Variants in KAZN observed in about 807,000 individuals in gnomAD.
KAZN encodes the protein kazrin.
In KAZN, 40 loss-of-function variants were observed where a neutral mutation model predicts 87.4. The observed-to-expected ratio is 0.46, with a 90% CI of 0.36 to 0.60. The LOEUF (loss-of-function observed/expected upper bound fraction) is 0.60. Ranked by LOEUF, KAZN falls within the 20% of genes least tolerant of loss-of-function variation. The pLI, the probability that KAZN is intolerant of heterozygous loss-of-function variation, is 0.00. For missense variants in KAZN, 898 were observed against 1,073.9 expected (o/e 0.84, Z 2.29); for synonymous variants, 466 against 458.3 (o/e 1.02, Z -0.22).
rs546244216 is a variant in KAZN at position 14,298,901 on chromosome 1, C to G, written c.249+118309C>G. Among the ~76,000 whole-genome samples the G allele has an allele frequency of 2.0e-5, 3 of 152,336 alleles. No individual in the cohort carries two copies. The South Asian group carries it at 6.2e-4, about 32-fold the overall frequency. On this transcript the variant is annotated intron_variant, in intron 2 of 16. Coordinates refer to the KAZN transcript ENST00000636203. ...CCTACACTACACTCTCACTGGCACT[C>G]CAGCTTGCTTTACCTAGAGGAAGTG...
chr1:14,923,240 G>A lies in KAZN; in HGVS notation c.227-37444G>A, dbSNP rs941054812. Among the ~76,000 whole-genome samples the A allele has an allele frequency of 1.3e-5, 2 of 152,186 alleles. No homozygotes were observed. Among genetic ancestry groups the A allele is most frequent in the African/African-American group, 2.4e-5 (1 of 41,442 alleles). On this transcript the variant is annotated intron_variant, in intron 1 of 14. Coordinates refer to ENST00000376030, the MANE Select transcript of KAZN (RefSeq NM_201628.3). The surrounding 1 kb of genome is among the most constrained non-coding windows in gnomAD (Gnocchi z 4.2). ...TCGGCTCCCGCGTGTCTACAACAGGGGGGAACTGGACCTGCCTCCTGGGGC... is the reference window on the plus strand; with the variant it reads ...TCGGCTCCCGCGTGTCTACAACAGGAGGGAACTGGACCTGCCTCCTGGGGC...
chr1:14,279,343 C>G (rs1652659399), intron 2 of KAZN, among the ~76,000 whole-genome samples: 1 of 152,196 alleles, frequency 6.6e-6, no homozygotes, highest in Admixed American at 6.5e-5. Flanking sequence ...TATGAAATCA[C>G]AGGCAAAGAG....
intron 1 of KAZN, among the ~76,000 whole-genome samples, chr1:14,167,521 G>T (rs888580419): frequency 6.6e-6 from 1 of 152,088 alleles, no homozygotes; most frequent in Non-Finnish European, 1.5e-5. Context: ...TCAGGAGTTC[G>T]AGACCAGCCT....
At chr1:14,569,575 G>C (rs975699950) in intron 2 of KAZN, among the ~76,000 whole-genome samples, 5 of 151,058 alleles carry the variant, frequency 3.3e-5, no homozygotes, top group Admixed American at 1.3e-4. Context: ...GCCCGCCTCG[G>C]CCTCCCAAAG....
At chr1:14,648,014 C>A (rs1378596636) in intron 1 of KAZN, among the ~76,000 whole-genome samples, 2 of 152,168 alleles carry the variant, frequency 1.3e-5, no homozygotes, top group Non-Finnish European at 2.9e-5. Context: ...AGGGTCATTC[C>A]CTTCTCTCCA....
At chr1:14,372,769 T>C (rs1363073517) in intron 2 of KAZN, among the ~76,000 whole-genome samples, 2 of 152,212 alleles carry the variant, frequency 1.3e-5, no homozygotes, top group Non-Finnish European at 2.9e-5. Context: ...TATGCATTCA[T>C]TTATTCACTC....
At chr1:14,514,612 TA>T (rs1671198261) in intron 2 of KAZN, among the ~76,000 whole-genome samples, 508 of 37,278 alleles carry the variant, frequency 0.014, 4 homozygotes, top group African/African-American at 0.032. Flanking sequence ...TATATATATA[TA>T]TATATATATA....
At chr1:14,734,825 T>C (rs986039461) in intron 1 of KAZN, among the ~76,000 whole-genome samples, 1 of 152,236 alleles carries the variant, frequency 6.6e-6, no homozygotes, top group African/African-American at 2.4e-5. Flanking sequence ...ACCAGTCTCC[T>C]TCATGGAACA....
intron 1 of KAZN, among the ~76,000 whole-genome samples, chr1:14,874,135 A>C (rs1010801671): frequency 6.6e-6 from 1 of 152,214 alleles, no homozygotes; most frequent in African/African-American, 2.4e-5. Flanking sequence ...CCATTTGGGA[A>C]TCATCAGCAT....
At chr1:15,074,929 G>C (rs1010277036) in intron 8 of KAZN, among the ~76,000 whole-genome samples, 2 of 152,206 alleles carry the variant, frequency 1.3e-5, no homozygotes, top group African/African-American at 2.4e-5. Context: ...TAGCCACCAT[G>C]ATGATGACCG....
chr1:14,757,566 T>C (rs1644603990), intron 1 of KAZN, among the ~76,000 whole-genome samples: 1 of 152,154 alleles, frequency 6.6e-6, no homozygotes, highest in Non-Finnish European at 1.5e-5. Context: ...ACAGATACAA[T>C]TTATGGAGAG....
chr1:15,048,869 CCTGGGTCGT>C (rs1673974835), intron 4 of KAZN, among the ~76,000 whole-genome samples: 1 of 145,888 alleles, frequency 6.9e-6, no homozygotes, highest in African/African-American at 2.6e-5. Context: ...GGTCGTTGGT[CCTGGGTCGT>C]TGGTCCTGGG....
intron 2 of KAZN, among the ~76,000 whole-genome samples, chr1:14,235,939 C>T (rs1648381394): frequency 1.3e-5 from 2 of 152,096 alleles, no homozygotes; most frequent in Admixed American, 1.3e-4. Flanking sequence ...ATGCAGGTTT[C>T]TCACCCCTAC....
chr1:14,109,365 G>A (rs1644449454), intron 1 of KAZN, among the ~76,000 whole-genome samples: 1 of 152,152 alleles, frequency 6.6e-6, no homozygotes, highest in Non-Finnish European at 1.5e-5. Context: ...TCCTTCTGAT[G>A]TTCCTTTGAC....
chr1:13,972,122 G>A (rs951056327), intron 1 of KAZN, among the ~76,000 whole-genome samples: 12 of 152,056 alleles, frequency 7.9e-5, no homozygotes, highest in African/African-American at 2.9e-4. Context: ...AAATCAGAGT[G>A]GAAAAGGCAT....
intron 1 of KAZN, among the ~76,000 whole-genome samples, chr1:14,934,063 T>G (rs1009402627): frequency 3.3e-5 from 5 of 151,130 alleles, no homozygotes; most frequent in Non-Finnish European, 7.4e-5. Context: ...CACCGTGTTA[T>G]CCAGGATGGT....
chr1:14,407,168 G>A (rs1015173711), intron 2 of KAZN, among the ~76,000 whole-genome samples: 1 of 152,160 alleles, frequency 6.6e-6, no homozygotes, highest in Non-Finnish European at 1.5e-5. Context: ...TGGACATGTG[G>A]GTCATTCCTC....
chr1:13,978,258 A>G (rs1638472433), intron 1 of KAZN, among the ~76,000 whole-genome samples: 2 of 152,022 alleles, frequency 1.3e-5, no homozygotes, highest in African/African-American at 4.8e-5. Flanking sequence ...AGATTTTGGC[A>G]GTTAGCTAGA....
chr1:14,236,905 C>T (rs1019217331), intron 2 of KAZN, among the ~76,000 whole-genome samples: 10 of 152,002 alleles, frequency 6.6e-5, no homozygotes, highest in Non-Finnish European at 1.3e-4. Flanking sequence ...GCCTGGGTGA[C>T]GGAGCAAGAC....
Sources: allele counts gnomAD v4.1 joint callset (sites outside exome capture counted in the v4.1 genomes callset), GRCh38; gene constraint gnomAD v4.1.1; non-coding constraint Gnocchi (gnomAD v3.1); transcripts MANE v1.5; gene names NCBI Gene and HGNC (gene_info 2026-07-23, HGNC 2026-07-21).